Variants in RNF212 observed in about 807,000 individuals in gnomAD.
RNF212 encodes ring finger protein 212, also known as probable E3 SUMO-protein ligase RNF212.
A neutral mutation model predicts 34.7 loss-of-function variants in RNF212; 33 were observed. That is an observed-to-expected ratio of 0.95 (90% CI 0.72 to 1.27). The LOEUF (loss-of-function observed/expected upper bound fraction) is 1.27, where lower values mean the gene tolerates loss of function less well. Ranked by LOEUF, RNF212 falls within the 50% of genes most tolerant of loss-of-function variation. RNF212 has a pLI of 0.00. For missense variants in RNF212, 377 were observed against 362.2 expected, an observed-to-expected ratio of 1.04 and a Z score of -0.33; for synonymous variants, 140 against 136.1, an observed-to-expected ratio of 1.03 and a Z score of -0.20.
intron 5 of RNF212, among the ~76,000 whole-genome samples, chr4:1,083,964 G>A (rs1473032258): frequency 9.8e-5 from 5 of 51,242 alleles, no homozygotes; most frequent in Non-Finnish European, 1.4e-4. Context: ...TTTTTTTTTT[G>A]AGAGACGGAG....
intron 4 of RNF212, among the ~76,000 whole-genome samples, chr4:1,058,057 C>T (rs11735663): frequency 0.82 from 122,453 of 150,230 alleles, 50,362 homozygotes; most frequent in African/African-American, 0.94. Flanking sequence ...AGTGAGACTC[C>T]GGCTAAAAAA....
chr4:1,069,677 G>A (rs1424251993), downstream of RNF212, among the ~76,000 whole-genome samples: 2 of 152,234 alleles, frequency 1.3e-5, no homozygotes, highest in Non-Finnish European at 2.9e-5. Flanking sequence ...GCTAAGCAGA[G>A]CAGTAGCATT....
chr4:1,071,050 CTGT>C (rs1234424642), downstream of RNF212, among the ~76,000 whole-genome samples: 2 of 147,658 alleles, frequency 1.4e-5, no homozygotes, highest in East Asian at 2.0e-4. Context: ...TTTTTAAATA[CTGT>C]TATTACAATT....
intron 3 of RNF212, among the ~76,000 whole-genome samples, chr4:1,091,792 G>A (rs1169335355): frequency 2.0e-5 from 3 of 152,184 alleles, no homozygotes; most frequent in Non-Finnish European, 4.4e-5. Context: ...ACAGCCTCGC[G>A]GTTTCCTGGC....
intron 2 of RNF212, among the ~76,000 whole-genome samples, chr4:1,099,101 C>T (rs945328273): frequency 6.6e-6 from 1 of 152,164 alleles, no homozygotes; most frequent in Non-Finnish European, 1.5e-5. Flanking sequence ...ATGCACAGAC[C>T]TCAGTGAGGC....
At chr4:1,070,957 ATTTG>A (rs1399621162), downstream of RNF212, among the ~76,000 whole-genome samples, 1 of 151,490 alleles carries the variant, frequency 6.6e-6, no homozygotes. Context: ...TAAAAAACTA[ATTTG>A]TTTTTTTAAA....
At chr4:1,091,907 G>T (rs1373096920) in intron 3 of RNF212, among the ~76,000 whole-genome samples, 1 of 152,186 alleles carries the variant, frequency 6.6e-6, no homozygotes, top group African/African-American at 2.4e-5. Flanking sequence ...CCACCCCGTG[G>T]GCTATGAAGA....
At chr4:1,110,078 AAC>A (rs1725418335) in intron 1 of RNF212, among the ~76,000 whole-genome samples, 1 of 152,220 alleles carries the variant, frequency 6.6e-6, no homozygotes, top group Admixed American at 6.5e-5. Flanking sequence ...GTAAAAGATT[AAC>A]AGAGCCGACT....
rs375691062 is a variant in RNF212 at position 1,079,631 on chromosome 4, A to G, written c.510+12T>C. 6 of 1,580,644 alleles carry G rather than the reference A, an allele frequency of 3.8e-6. No individual in the cohort carries two copies. The highest frequency in any genetic ancestry group is 5.2e-6 in the Non-Finnish European group (6 of 1,149,746). On this transcript the variant is annotated intron_variant, in intron 8 of 9. Transcript: ENST00000433731. ...GGTATACAGAGGAACTCAGCAGGAGAGATGCACTTACTTTTCTAATCGGAG... is the reference window on the plus strand; with the variant it reads ...GGTATACAGAGGAACTCAGCAGGAGGGATGCACTTACTTTTCTAATCGGAG...
At chr4:1,058,843 A>C (rs957630917) in intron 3 of RNF212, among the ~76,000 whole-genome samples, 20 of 152,194 alleles carry the variant, frequency 1.3e-4, no homozygotes, top group African/African-American at 4.3e-4. Flanking sequence ...TGTGCCTGGC[A>C]TACACAGGTA....
At chr4:1,057,673 G>A (rs996760837) in intron 4 of RNF212, among the ~76,000 whole-genome samples, 2 of 152,134 alleles carry the variant, frequency 1.3e-5, no homozygotes, top group Admixed American at 6.5e-5. Context: ...GCTGACCCAC[G>A]GCCTATTCCT....
intron 8 of RNF212, among the ~76,000 whole-genome samples, chr4:1,078,119 A>G (rs1466216): frequency 0.38 from 58,463 of 152,000 alleles, 12,929 homozygotes; most frequent in Non-Finnish European, 0.5. Context: ...GACTGAGTTC[A>G]TATCTATAAA....
intron 3 of RNF212, among the ~76,000 whole-genome samples, chr4:1,064,093 G>C (rs1296982686): frequency 6.6e-6 from 1 of 152,122 alleles, no homozygotes; most frequent in Non-Finnish European, 1.5e-5. Flanking sequence ...TGGTTAATAT[G>C]TTGTGAATGA....
rs76192970 is a variant in RNF212, at chr4:1,061,443, C to A, written n.148-3050G>T. Among the ~76,000 whole-genome samples the A allele has an allele frequency of 9.4e-3, 1,424 of 152,278 alleles. 24 individuals carry two copies. Among genetic ancestry groups the A allele is most frequent in the African/African-American group, 0.033 (1,353 of 41,550 alleles). On this transcript the variant is annotated intron_variant and non_coding_transcript_variant, in intron 3 of 4. Transcript: ENST00000503206. Reference sequence around the variant, plus strand: ...AAAAATAACGGGGAAATGCTGAGAACAAGAGAGCCAGACAGAGGCAGCTTC... The same window carrying A: ...AAAAATAACGGGGAAATGCTGAGAAAAAGAGAGCCAGACAGAGGCAGCTTC...
chr4:1,110,803 T>C (rs939944341), intron 1 of RNF212, among the ~76,000 whole-genome samples: 1 of 152,160 alleles, frequency 6.6e-6, no homozygotes, highest in Non-Finnish European at 1.5e-5. Flanking sequence ...CCACCCCTTT[T>C]CACCACTTTT....
intron 2 of RNF212, among the ~76,000 whole-genome samples, chr4:1,106,459 G>C (rs1019320004): frequency 2.6e-5 from 4 of 151,948 alleles, no homozygotes; most frequent in Non-Finnish European, 5.9e-5. Flanking sequence ...AAAATGACAG[G>C]GAGCTAAAAG....
Position 1,072,824 on chromosome 4 carries a change from A to G in RNF212, c.*50T>C. The G allele has an allele frequency of 6.6e-7, 1 of 1,512,048 alleles. No homozygotes were observed. Among genetic ancestry groups the G allele is most frequent in the Non-Finnish European group, 8.9e-7 (1 of 1,126,408 alleles). 93.7% of individuals were successfully genotyped at this position (1,512,048 alleles called of 1,614,324 possible). A position where few individuals can be genotyped will look rare whatever the true frequency, so the allele number is the denominator to read the frequency against. ...CAGATAATTTGTAGAAAAAACACAGAGGAATAAATTGAAAACACTCAGAAT... is the reference window on the plus strand; with the variant it reads ...CAGATAATTTGTAGAAAAAACACAGGGGAATAAATTGAAAACACTCAGAAT... On this transcript the variant is annotated 3_prime_UTR_variant, in exon 10 of 10. Coordinates refer to ENST00000433731, the MANE Select transcript of RNF212 (RefSeq NM_001131034.4).
chr4:1,100,464 G>A (rs1441766783), intron 2 of RNF212: 1 of 145,424 alleles, frequency 6.9e-6, no homozygotes, highest in Non-Finnish European at 1.5e-5. Context: ...CTGGATTGCA[G>A]TGGTGCGATC....
chr4:1,079,717 G>T, intron 7 of RNF212, 29 bp from the exon 8 acceptor site: 3 of 1,555,596 alleles, frequency 1.9e-6, no homozygotes, highest in Non-Finnish European at 2.7e-6. Flanking sequence ...AAGGCTTTGA[G>T]TGAGCCCAGG....
Sources: allele counts gnomAD v4.1 joint callset (sites outside exome capture counted in the v4.1 genomes callset), GRCh38; gene constraint gnomAD v4.1.1; transcripts MANE v1.5; gene names NCBI Gene and HGNC (gene_info 2026-07-23, HGNC 2026-07-21).